The following RAB11FIP4 variants were observed in gnomAD, a reference collection of about 807,000 sequenced individuals.
RAB11FIP4 encodes the protein rab11 family-interacting protein 4.
Under a neutral mutation model 74.3 loss-of-function variants are expected in RAB11FIP4, and 23 were observed. The ratio of observed to expected loss-of-function variants is 0.31; its 90% CI spans 0.22 to 0.44. RAB11FIP4 has a LOEUF of 0.44. Among genes scored for constraint, RAB11FIP4 ranks in the 20% least tolerant of loss-of-function variants. The pLI is 1.00. For synonymous variants in RAB11FIP4, 360 were observed against 359.9 expected, an observed-to-expected ratio of 1.00 and a Z score of 0.00; for missense variants, 630 against 863.9, an observed-to-expected ratio of 0.73 and a Z score of 3.39.
intron 3 of RAB11FIP4, among the ~76,000 whole-genome samples, chr17:31,448,039 C>T (rs888300506): frequency 2.7e-5 from 4 of 150,746 alleles, no homozygotes; most frequent in Admixed American, 6.6e-5. Flanking sequence ...CTTGAGCTCC[C>T]GGGCTGAAGC....
At chr17:31,415,543 A>G (rs1004162423) in intron 1 of RAB11FIP4, among the ~76,000 whole-genome samples, 10 of 151,952 alleles carry the variant, frequency 6.6e-5, no homozygotes, top group African/African-American at 7.3e-5. Flanking sequence ...CCTCCCCCCA[A>G]TCCCCATGCC....
chr17:31,499,977 C>T (rs933123383), intron 3 of RAB11FIP4, among the ~76,000 whole-genome samples: 1 of 152,158 alleles, frequency 6.6e-6, no homozygotes, highest in African/African-American at 2.4e-5. Context: ...TTTCTTAATC[C>T]CCAACAGTTT....
chr17:31,426,218 C>T (rs1291714574), intron 1 of RAB11FIP4, among the ~76,000 whole-genome samples: 1 of 152,096 alleles, frequency 6.6e-6, no homozygotes. Flanking sequence ...GGCTGACTCT[C>T]TGGGGTCAGT....
rs1332940066 is a variant in RAB11FIP4, at chr17:31,525,129, C to G, written c.1173C>G (p.Thr391=). The G allele has an allele frequency of 6.5e-7, 1 of 1,550,262 alleles. No homozygotes were observed. Among genetic ancestry groups the G allele is most frequent in the Non-Finnish European group, 8.7e-7 (1 of 1,147,066 alleles). The part of the protein sequence containing the change: ...ELEEMVKDQE[T]TAEQALEEEA... ...AGGAGATGGTGAAGGATCAGGAGAC[C>G]ACGGCCGAGCAGGCTCTGGAGGAGG... The change falls in exon 10 of 15, where the codon ACC becomes ACG. Residue 391 remains threonine (T), a synonymous_variant. Transcript: ENST00000621161.
At chr17:31,456,456 C>A (rs561263606) in intron 3 of RAB11FIP4, among the ~76,000 whole-genome samples, 2 of 152,372 alleles carry the variant, frequency 1.3e-5, no homozygotes, top group South Asian at 4.1e-4. Flanking sequence ...ATCCGCCCCC[C>A]TCAGCCTCCC....
At chr17:31,432,237 G>A (rs997873494) in intron 2 of RAB11FIP4, among the ~76,000 whole-genome samples, 6 of 152,084 alleles carry the variant, frequency 3.9e-5, no homozygotes, top group African/African-American at 1.4e-4. Context: ...TGGGATGTGG[G>A]AGGGACTCCA....
At chr17:31,429,761 G>A (rs889586363) in intron 1 of RAB11FIP4, among the ~76,000 whole-genome samples, 18 of 150,900 alleles carry the variant, frequency 1.2e-4, no homozygotes, top group Admixed American at 8.0e-4. Flanking sequence ...CCTGGGAGGC[G>A]GAGCTTGCAG....
At position 31,525,136 on chromosome 17, in the gene RAB11FIP4, G is replaced by C. The variant is rs973856294; in HGVS notation, c.1180G>C (p.Glu394Gln). Residue 394 changes from glutamate to glutamine, a missense_variant, in exon 10 of 15, where the codon GAG becomes CAG. Coordinates refer to ENST00000621161, the MANE Select transcript of RAB11FIP4 (RefSeq NM_032932.6). ...EMVKDQETTA[E>Q]QALEEEARRH... is the part of the protein sequence containing the mutation. ...GGTGAAGGATCAGGAGACCACGGCC[G>C]AGCAGGCTCTGGAGGAGGAGGCGCG... 3 of 1,550,088 alleles carry C rather than the reference G, an allele frequency of 1.9e-6. No individual in the cohort carries two copies. The highest frequency in any genetic ancestry group is 2.6e-6 in the Non-Finnish European group (3 of 1,147,050).
intron 10 of RAB11FIP4, chr17:31,525,469 C>T: frequency 1.8e-6 from 1 of 546,924 alleles, no homozygotes; most frequent in East Asian, 3.2e-5. Context: ...ATGCAAACCA[C>T]ACAAATGTCT....
chr17:31,515,258 G>A (rs913434554), intron 3 of RAB11FIP4, among the ~76,000 whole-genome samples: 1 of 152,056 alleles, frequency 6.6e-6, no homozygotes, highest in African/African-American at 2.4e-5. Flanking sequence ...GGCACAAGAT[G>A]TGATAGGTTG....
intron 1 of RAB11FIP4, among the ~76,000 whole-genome samples, chr17:31,395,410 C>T (rs1277186817): frequency 1.3e-5 from 2 of 152,252 alleles, no homozygotes; most frequent in South Asian, 2.1e-4. Flanking sequence ...GGGGGAACAG[C>T]AACTGTATAG....
intron 3 of RAB11FIP4, among the ~76,000 whole-genome samples, chr17:31,445,936 C>T (rs968618749): frequency 1.3e-5 from 2 of 151,922 alleles, no homozygotes; most frequent in African/African-American, 4.8e-5. Flanking sequence ...AAATCTAATA[C>T]AGGATCACAC....
rs1310006385 is a variant in RAB11FIP4 at position 31,537,244 on chromosome 17, T to C, written c.*5512T>C. 7.5e-6 allele frequency: 3 copies of C among 399,160 alleles called. No homozygotes were observed. Among genetic ancestry groups the C allele is most frequent in the Non-Finnish European group, 1.3e-5 (3 of 226,174 alleles). The allele number at this position is 399,160 out of a possible 1,614,324, so 24.7% of individuals were successfully genotyped here. On this transcript the variant is annotated 3_prime_UTR_variant, in exon 15 of 15. Transcript: ENST00000621161. ...TTTCCCGAGCCCTGTAAATGTGTAC[T>C]TTTTCAACGTGCCTCCCCCAGGTGA...
At chr17:31,449,981 G>A (rs908081250) in intron 3 of RAB11FIP4, among the ~76,000 whole-genome samples, 6 of 152,226 alleles carry the variant, frequency 3.9e-5, no homozygotes, top group Admixed American at 1.3e-4. Context: ...CACCATCTCC[G>A]GCATTTATCA....
chr17:31,416,092 C>G (rs1219727871), intron 1 of RAB11FIP4, among the ~76,000 whole-genome samples: 1 of 152,210 alleles, frequency 6.6e-6, no homozygotes, highest in Non-Finnish European at 1.5e-5. Context: ...CAGGCAGAGC[C>G]CGCTCTCTCG....
chr17:31,497,462 GTTC>G (rs1473858126), intron 3 of RAB11FIP4, among the ~76,000 whole-genome samples: 3 of 152,246 alleles, frequency 2.0e-5, no homozygotes, highest in African/African-American at 7.2e-5. Flanking sequence ...AGACGGAGGA[GTTC>G]TGGGCAGGGG....
At chr17:31,442,788 C>T (rs1342788453) in intron 3 of RAB11FIP4, among the ~76,000 whole-genome samples, 4 of 152,000 alleles carry the variant, frequency 2.6e-5, no homozygotes, top group Admixed American at 6.6e-5. Flanking sequence ...GGTGAAACCC[C>T]GTCTCTACTA....
At chr17:31,397,749 C>T (rs146093528) in intron 1 of RAB11FIP4, among the ~76,000 whole-genome samples, 4 of 152,250 alleles carry the variant, frequency 2.6e-5, no homozygotes, top group East Asian at 3.9e-4. Context: ...TGCATTGAGG[C>T]GGGAGGACGA....
Position 31,521,358 on chromosome 17 carries a change from C to A in RAB11FIP4, c.756C>A (p.Ser252=). Residue 252 remains serine, a splice_region_variant and synonymous_variant, in exon 5 of 15, where the codon TCC becomes TCA. Transcript: ENST00000621161. ...CGGACCTGGGGTCTTCGGTGTCTTCCAGGTGGCCCCTTGGTCTGGGATGTC... is the reference window on the plus strand; with the variant it reads ...CGGACCTGGGGTCTTCGGTGTCTTCAAGGTGGCCCCTTGGTCTGGGATGTC... ...VYSDLGSSVS[S]SAGQTPRKMR... is the part of the protein sequence containing the mutation. 1 of 1,594,762 alleles carries A rather than the reference C, an allele frequency of 6.3e-7. No homozygotes were observed. The highest frequency in any genetic ancestry group is 8.6e-7 in the Non-Finnish European group (1 of 1,168,946).
Sources: gnomAD v4.1 joint callset for allele counts (sites outside exome capture counted in the v4.1 genomes callset) on GRCh38, gnomAD v4.1.1 for gene constraint, MANE v1.5 for transcripts, NCBI Gene and HGNC (gene_info 2026-07-23, HGNC 2026-07-21) for gene names.